Variants in CUL1 observed in about 807,000 individuals in gnomAD.
The protein encoded by CUL1 is cullin-1.
A neutral mutation model predicts 118.0 loss-of-function variants in CUL1; 24 were observed. The ratio of observed to expected loss-of-function variants is 0.20; its 90% CI spans 0.15 to 0.29. CUL1 has a LOEUF of 0.29. CUL1 is among the 10% of genes least tolerant of loss of function. The pLI is 1.00. For synonymous variants in CUL1, 332 were observed against 340.4 expected (o/e 0.98, Z 0.27); for missense variants, 361 against 933.8 (o/e 0.39, Z 7.99).
intron 17 of CUL1, among the ~76,000 whole-genome samples, chr7:148,794,206 C>T (rs887171772): frequency 4.0e-5 from 6 of 150,262 alleles, no homozygotes; most frequent in African/African-American, 1.2e-4. Context: ...TGTCTTCTTA[C>T]TTTCTTATAT....
chr7:148,790,196 T>C (rs1747396575), intron 15 of CUL1, 114 bp from the exon 16 acceptor site: 1 of 1,166,388 alleles, frequency 8.6e-7, no homozygotes, highest in African/African-American at 1.5e-5. Flanking sequence ...TATTTTACTT[T>C]TATGTAAGCA....
intron 1 of CUL1, among the ~76,000 whole-genome samples, chr7:148,701,386 CAG>C (rs1017807772): frequency 6.6e-6 from 1 of 152,154 alleles, no homozygotes; most frequent in African/African-American, 2.4e-5. Flanking sequence ...AGGGCCCTAA[CAG>C]AAAAATGCCC....
At chr7:148,752,029 G>T (rs773504834) in intron 2 of CUL1, among the ~76,000 whole-genome samples, 20 of 152,174 alleles carry the variant, frequency 1.3e-4, no homozygotes, top group Non-Finnish European at 2.6e-4. Flanking sequence ...CAGGAGAATC[G>T]CTTGAACCCA....
chr7:148,793,826 T>C (rs1271244160), intron 17 of CUL1, among the ~76,000 whole-genome samples: 1 of 152,258 alleles, frequency 6.6e-6, no homozygotes, highest in Non-Finnish European at 1.5e-5. Context: ...ACTGCCAGAC[T>C]GTTCCATAGT....
chr7:148,767,763 C>T lies in CUL1; in HGVS notation c.1083+14C>T, dbSNP rs529622835. 1.2e-5 allele frequency: 19 copies of T among 1,610,830 alleles called. No individual in the cohort carries two copies. Among genetic ancestry groups the T allele is most frequent in the African/African-American group, 1.1e-4 (8 of 74,832 alleles). ...GCTGCTTTAAATGTAAGTGAGATTT[C>T]ATTGAAAATCAGTCAGGCTGATTAT... On this transcript the variant is annotated intron_variant, in intron 9 of 21. Coordinates refer to ENST00000325222, the MANE Select transcript of CUL1 (RefSeq NM_003592.3).
At chr7:148,699,244 GGGGCCGGGCCCTGAGTCACCCCGGAC>G (rs1447535768) in intron 1 of CUL1, among the ~76,000 whole-genome samples, 3 of 152,006 alleles carry the variant, frequency 2.0e-5, no homozygotes, top group East Asian at 1.9e-4. Context: ...AGGAGCGAGC[GGGGCCGGGCCCTGAGTCACCCCGGAC>G]GGGCCGGGGC....
At chr7:148,762,219 G>C (rs1319532480) in intron 7 of CUL1, among the ~76,000 whole-genome samples, 1 of 152,178 alleles carries the variant, frequency 6.6e-6, no homozygotes, top group Non-Finnish European at 1.5e-5. Flanking sequence ...TCCGTATGCT[G>C]AGATAGAAAG....
At chr7:148,780,730 G>C (rs566865566) in intron 9 of CUL1, among the ~76,000 whole-genome samples, 2 of 152,378 alleles carry the variant, frequency 1.3e-5, no homozygotes, top group African/African-American at 2.4e-5. Flanking sequence ...AGCCCTGGGA[G>C]ATGTCCTGTT....
chr7:148,721,484 A>C (rs760361591), intron 1 of CUL1, among the ~76,000 whole-genome samples: 1 of 152,102 alleles, frequency 6.6e-6, no homozygotes, highest in Non-Finnish European at 1.5e-5. Context: ...ATTTTAAAGT[A>C]AATCCCAGGC....
intron 1 of CUL1, among the ~76,000 whole-genome samples, chr7:148,706,106 A>G (rs1797871622): frequency 6.6e-6 from 1 of 152,170 alleles, no homozygotes; most frequent in South Asian, 2.1e-4. Flanking sequence ...GGGAAAGTAA[A>G]ATTACCTTCA....
rs748608207 is a variant in CUL1, at chr7:148,792,822, TTCTCA to T, written c.1899+10_1899+14del. 3 of 1,604,710 alleles carry T rather than the reference TTCTCA, an allele frequency of 1.9e-6. No individual in the cohort carries two copies. The highest frequency in any genetic ancestry group is 2.6e-6 in the Non-Finnish European group (3 of 1,172,916). ...CGACAGCACTCAAATTAAAATGGTATTCTCATCTCAGGCTCGTTGTTCTATCAGCT... is the reference window on the plus strand; with the variant it reads ...CGACAGCACTCAAATTAAAATGGTATTCTCAGGCTCGTTGTTCTATCAGCT... On this transcript the variant is annotated splice_donor_5th_base_variant and intron_variant, in intron 17 of 21. Transcript: ENST00000325222.
At chr7:148,755,053 A>G (rs1799613267) in intron 3 of CUL1, among the ~76,000 whole-genome samples, 2 of 152,180 alleles carry the variant, frequency 1.3e-5, no homozygotes, top group Admixed American at 6.5e-5. Flanking sequence ...GTGCCTGGCC[A>G]TGACGTGTAT....
intron 2 of CUL1, among the ~76,000 whole-genome samples, chr7:148,737,587 TTTA>T (rs1798999043): frequency 6.9e-6 from 1 of 145,906 alleles, no homozygotes; most frequent in African/African-American, 2.6e-5. Flanking sequence ...TATTTATTTA[TTTA>T]TTTATTTATT....
In CUL1 at chr7:148,786,457, G is replaced by A; in HGVS notation, c.1299-94G>A. On this transcript the variant is annotated intron_variant, in intron 11 of 21. Transcript: ENST00000325222. ...CCTCTGCACTAATCTGATGAGAACTGATCTTTTGAATGCTTGAAGCTGCAT... is the reference window on the plus strand; with the variant it reads ...CCTCTGCACTAATCTGATGAGAACTAATCTTTTGAATGCTTGAAGCTGCAT... The A allele has an allele frequency of 4.1e-6, 4 of 971,450 alleles. No individual in the cohort carries two copies. In the Admixed American group the frequency reaches 5.5e-5, roughly 13 times the overall value. The allele number at this position is 971,450 out of a possible 1,614,324, so 60.2% of individuals were successfully genotyped here.
chr7:148,701,252 G>A (rs1447220298), intron 1 of CUL1, among the ~76,000 whole-genome samples: 1 of 152,108 alleles, frequency 6.6e-6, no homozygotes, highest in Non-Finnish European at 1.5e-5. Context: ...GCTTAAGCCG[G>A]TTAAGAATTC....
intron 2 of CUL1, among the ~76,000 whole-genome samples, chr7:148,734,292 G>C (rs1228545108): frequency 6.6e-6 from 1 of 152,214 alleles, no homozygotes; most frequent in Non-Finnish European, 1.5e-5. Flanking sequence ...TGTCAACCCA[G>C]GCTGGAGTGC....
intron 1 of CUL1, among the ~76,000 whole-genome samples, chr7:148,708,322 C>G (rs1013558261): frequency 1.3e-5 from 2 of 152,250 alleles, no homozygotes; most frequent in Non-Finnish European, 2.9e-5. Context: ...TCCGACATCT[C>G]TATTTCTAGC....
At chr7:148,769,198 TG>T (rs1800118924) in intron 9 of CUL1, among the ~76,000 whole-genome samples, 4 of 152,198 alleles carry the variant, frequency 2.6e-5, no homozygotes, top group East Asian at 3.8e-4. Flanking sequence ...AGAATGATAA[TG>T]CCTATCCCAT....
At chr7:148,722,334 C>T (rs1798421854) in intron 1 of CUL1, among the ~76,000 whole-genome samples, 1 of 152,226 alleles carries the variant, frequency 6.6e-6, no homozygotes, top group Admixed American at 6.5e-5. Context: ...CCCCACTCCA[C>T]TCCCCTCACT....
Sources: gnomAD v4.1 joint callset for allele counts (sites outside exome capture counted in the v4.1 genomes callset) on GRCh38, gnomAD v4.1.1 for gene constraint, MANE v1.5 for transcripts, NCBI Gene and HGNC (gene_info 2026-07-23, HGNC 2026-07-21) for gene names.